ZSWIM5: variants seen among roughly 807,000 people sequenced by gnomAD.
ZSWIM5 encodes the protein zinc finger SWIM domain-containing protein 5.
In ZSWIM5, 55 loss-of-function variants were observed where a neutral mutation model predicts 119.6. The ratio of observed to expected loss-of-function variants is 0.46; its 90% CI spans 0.37 to 0.58. The LOEUF (loss-of-function observed/expected upper bound fraction) is 0.58. Ranked by LOEUF, ZSWIM5 falls within the 20% of genes least tolerant of loss-of-function variation. ZSWIM5 has a pLI of 0.00. For missense variants in ZSWIM5, 1,193 were observed against 1,512.8 expected, an observed-to-expected ratio of 0.79 and a Z score of 3.51; for synonymous variants, 537 against 606.9, an observed-to-expected ratio of 0.88 and a Z score of 1.69.
At chr1:45,148,494 G>GAA (rs57251077) in intron 1 of ZSWIM5, among the ~76,000 whole-genome samples, 6 of 140,126 alleles carry the variant, frequency 4.3e-5, no homozygotes, top group Admixed American at 1.4e-4. Context: ...AAGTTTCATT[G>GAA]AAAAAAAAAA....
At chr1:45,073,369 C>T (rs1645236565) in intron 2 of ZSWIM5, among the ~76,000 whole-genome samples, 1 of 149,744 alleles carries the variant, frequency 6.7e-6, no homozygotes, top group African/African-American at 2.5e-5. Context: ...AGCGATTCTC[C>T]TGCCTCAGCT....
intron 1 of ZSWIM5, among the ~76,000 whole-genome samples, chr1:45,125,124 G>A (rs939371201): frequency 1.2e-4 from 18 of 152,066 alleles, no homozygotes; most frequent in Non-Finnish European, 4.4e-5. Context: ...CTCCAGCAAA[G>A]CAGAATAAAC....
Position 45,166,725 on chromosome 1 carries a change from C to T in ZSWIM5, c.595+39031G>A, listed in dbSNP as rs748237853. Among the ~76,000 whole-genome samples the T allele has an allele frequency of 3.9e-4, 59 of 152,114 alleles. No homozygotes were observed. In the Middle Eastern group the frequency reaches 0.01, roughly 26 times the overall value. On this transcript the variant is annotated intron_variant, in intron 1 of 13. Coordinates refer to ENST00000359600, the MANE Select transcript of ZSWIM5 (RefSeq NM_020883.2). ...ATGAGTGAACTCCCATTCACAATTG[C>T]TTCAAAGAGAATAAAATACCTAGGA...
intron 1 of ZSWIM5, among the ~76,000 whole-genome samples, chr1:45,166,482 G>C (rs936356028): frequency 1.3e-5 from 2 of 152,060 alleles, no homozygotes; most frequent in Non-Finnish European, 2.9e-5. Flanking sequence ...AATCAGGCAG[G>C]AGAAAGAAAT....
At chr1:45,068,991 TG>T (rs1316818513) in intron 2 of ZSWIM5, among the ~76,000 whole-genome samples, 1 of 151,492 alleles carries the variant, frequency 6.6e-6, no homozygotes, top group Non-Finnish European at 1.5e-5. Context: ...ATTTTTTTTT[TG>T]TAGAGATGGG....
intron 6 of ZSWIM5, among the ~76,000 whole-genome samples, chr1:45,042,758 G>C (rs527667027): frequency 6.6e-6 from 1 of 152,318 alleles, no homozygotes; most frequent in South Asian, 2.1e-4. Flanking sequence ...TATCATGAAC[G>C]AAGGTAGGAA....
intron 2 of ZSWIM5, among the ~76,000 whole-genome samples, chr1:45,060,892 G>T (rs1557752411): frequency 6.6e-6 from 1 of 152,036 alleles, no homozygotes; most frequent in Non-Finnish European, 1.5e-5. Flanking sequence ...TCCCAGGCTG[G>T]TCTCAAACTC....
At chr1:45,197,365 C>T (rs902216049) in intron 1 of ZSWIM5, among the ~76,000 whole-genome samples, 3 of 152,156 alleles carry the variant, frequency 2.0e-5, no homozygotes, top group Non-Finnish European at 4.4e-5. Context: ...CATTATATCT[C>T]GGCTTTCTAG....
In ZSWIM5 at chr1:45,036,036, T is replaced by C; in HGVS notation, c.2155+3A>G. ...CCGTGACAAGAGACTCTTTTCTACT[T>C]ACCTTCCAGCAGTAAGATGCATTGT... On this transcript the variant is annotated splice_donor_region_variant and intron_variant, in intron 9 of 13. Transcript: ENST00000359600. 1 of 1,612,828 alleles carries C rather than the reference T, an allele frequency of 6.2e-7. No homozygotes were observed. Among genetic ancestry groups the C allele is most frequent in the Non-Finnish European group, 8.5e-7 (1 of 1,179,020 alleles).
At chr1:45,125,022 A>G (rs1375356545) in intron 1 of ZSWIM5, among the ~76,000 whole-genome samples, 2 of 152,204 alleles carry the variant, frequency 1.3e-5, no homozygotes, top group Non-Finnish European at 2.9e-5. Flanking sequence ...TGACAGAACA[A>G]CTATACAGAA....
rs543232897 is a variant in ZSWIM5, at chr1:45,034,574, G to T, written c.2292-105C>A. On this transcript the variant is annotated intron_variant, in intron 10 of 13. Transcript: ENST00000359600. ...TGGGGAGGAACTGGGGAGAGGAAAG[G>T]ATTAACTAAGAGCTTTGAAGGTTTT... The T allele has an allele frequency of 1.4e-4, 184 of 1,338,430 alleles. 1 individual carries two copies. In the African/African-American group the frequency reaches 1.5e-3, roughly 11 times the overall value. 82.9% of individuals were successfully genotyped at this position (1,338,430 alleles called of 1,614,324 possible). A position where few individuals can be genotyped will look rare whatever the true frequency, so the allele number is the denominator to read the frequency against.
intron 4 of ZSWIM5, among the ~76,000 whole-genome samples, chr1:45,058,236 C>T (rs1025122465): frequency 6.6e-6 from 1 of 152,152 alleles, no homozygotes; most frequent in African/African-American, 2.4e-5. Flanking sequence ...AACTGCCCTA[C>T]GTCTTAAAGG....
chr1:45,051,489 G>A (rs1043498231), intron 4 of ZSWIM5, among the ~76,000 whole-genome samples: 4 of 152,104 alleles, frequency 2.6e-5, no homozygotes, highest in African/African-American at 9.7e-5. Context: ...GACAGATTTA[G>A]GCTTGAACTC....
chr1:45,020,141 G>C lies in ZSWIM5; in HGVS notation c.2620C>G (p.Arg874Gly). 6.2e-7 allele frequency: 1 copy of C among 1,614,074 alleles called. No individual in the cohort carries two copies. The highest frequency in any genetic ancestry group is 1.1e-5 in the South Asian group (1 of 91,078). ...CAGTTAAGGGTTGATAAGGTCATCCGCATCACCTGGGCACAAAAGAGGCCT... is the reference window on the plus strand; with the variant it reads ...CAGTTAAGGGTTGATAAGGTCATCCCCATCACCTGGGCACAAAAGAGGCCT... ...VALELGLQVM[R>G]MTLSTLNWRR... is the part of the protein sequence containing the mutation. Residue 874 changes from arginine (R) to glycine (G), a missense_variant, in exon 13 of 14, where the codon CGG becomes GGG. Around this residue, in one of 2 missense-constraint regions of ZSWIM5, gnomAD observed 961 missense variants for 1,290.0 expected, o/e 0.74. Coordinates refer to ENST00000359600, the MANE Select transcript of ZSWIM5 (RefSeq NM_020883.2).
chr1:45,035,816 A>AGGAC lies in ZSWIM5; in HGVS notation c.2159_2162dup (p.Phe722SerfsTer31). ...GGATGACTTCTCCCAGACCGCTGAAAGGACCTCCTGGAGGAAGATAAGCCA... is the reference window on the plus strand; with the variant it reads ...GGATGACTTCTCCCAGACCGCTGAAAGGACGGACCTCCTGGAGGAAGATAAGCCA... On this transcript the variant is annotated frameshift_variant, in exon 10 of 14. Transcript: ENST00000359600. LOFTEE classifies it high-confidence loss of function. 6.2e-7 allele frequency: 1 copy of AGGAC among 1,613,310 alleles called. No individual in the cohort carries two copies. Among genetic ancestry groups the AGGAC allele is most frequent in the Non-Finnish European group, 8.5e-7 (1 of 1,179,836 alleles).
rs550419783 is a variant in ZSWIM5 at position 45,058,810 on chromosome 1, TAGG to T, written c.1102-54_1102-52del. On this transcript the variant is annotated intron_variant, in intron 3 of 13. Transcript: ENST00000359600. ...TTGGTGATTGTGTATCACAAAAAAGTAGGAGGAGAAGGAAGTGGGGGAGGGGGA... is the reference window on the plus strand; with the variant it reads ...TTGGTGATTGTGTATCACAAAAAAGTAGGAGAAGGAAGTGGGGGAGGGGGA... 6.4e-5 allele frequency: 102 copies of T among 1,603,934 alleles called. No individual in the cohort carries two copies. The African/African-American group carries it at 1.1e-3, about 17-fold the overall frequency.
rs184232330 is a variant in ZSWIM5 at position 45,036,100 on chromosome 1, C to T, written c.2094G>A (p.Glu698=). ...NEEQLLSQLQ[E]LQLDDELVQT... is the part of the protein sequence containing the mutation. ...GCACTAGCTCATCGTCCAGCTGCAG[C>T]TCTTGGAGTTGGCTCAGGAGCTGCT... The change falls in exon 9 of 14, where the codon GAG becomes GAA. Residue 698 remains glutamate (E), a synonymous_variant. Transcript: ENST00000359600. 1.5e-5 allele frequency: 24 copies of T among 1,614,190 alleles called. No individual in the cohort carries two copies. In the African/African-American group the frequency reaches 2.1e-4, roughly 14 times the overall value.
At chr1:45,078,482 C>T (rs904754500) in intron 2 of ZSWIM5, among the ~76,000 whole-genome samples, 2 of 152,230 alleles carry the variant, frequency 1.3e-5, no homozygotes, top group African/African-American at 4.8e-5. Flanking sequence ...TGGGCAACCA[C>T]AGGCAGAGAC....
At chr1:45,178,748 T>C (rs928550103) in intron 1 of ZSWIM5, among the ~76,000 whole-genome samples, 1 of 152,098 alleles carries the variant, frequency 6.6e-6, no homozygotes, top group Non-Finnish European at 1.5e-5. Flanking sequence ...GTGGAATGTT[T>C]TGAGACAGAG....
Sources: gnomAD v4.1 joint callset for allele counts (sites outside exome capture counted in the v4.1 genomes callset) on GRCh38, gnomAD v4.1.1 for gene constraint, gnomAD v4.1.1 regional missense constraint, MANE v1.5 for transcripts, NCBI Gene and HGNC (gene_info 2026-07-23, HGNC 2026-07-21) for gene names.